SLC9A7: variants seen among roughly 807,000 people sequenced by gnomAD.
SLC9A7 encodes sodium/hydrogen exchanger 7.
SLC9A7 carries 19 observed loss-of-function variants against 52.6 expected under a neutral mutation model. The observed-to-expected ratio is 0.36, with a 90% CI of 0.25 to 0.53. The LOEUF (loss-of-function observed/expected upper bound fraction) is 0.53. Among genes scored for constraint, SLC9A7 ranks in the 20% least tolerant of loss-of-function variants. The pLI is 0.91. For synonymous variants in SLC9A7, 226 were observed against 252.1 expected (o/e 0.90, Z 0.98); for missense variants, 455 against 597.9 (o/e 0.76, Z 2.49).
chrX:46,646,708 G>C (rs1174247939), intron 11 of SLC9A7: 7 of 285,059 alleles, frequency 2.5e-5, no homozygotes. Context: ...CCAATTCATA[G>C]ACAACGAGAA....
rs1203843153 is a variant in SLC9A7 at position 46,695,221 on chromosome X, TA to T, written c.326-12687del. ...ATTATATGTCAATAAAGTTTTTTTT[TA>T]AAAAAAGAGCAAATGAGAAAATGAA... is the stretch of plus-strand genomic sequence containing the variant. On this transcript the variant is annotated intron_variant, in intron 1 of 16. Transcript: ENST00000616978. Among the ~76,000 whole-genome samples, 217 of 112,662 alleles carry T rather than the reference TA, an allele frequency of 1.9e-3. 1 individual carries two copies. Among genetic ancestry groups the T allele is most frequent in the African/African-American group, 6.7e-3 (209 of 31,073 alleles).
chrX:46,651,509 C>T, intron 8 of SLC9A7, 105 bp from the exon 9 acceptor site: 1 of 612,297 alleles, frequency 1.6e-6, no homozygotes, highest in South Asian at 2.6e-5. Flanking sequence ...CTAGCATATC[C>T]AACTTCCTGA....
intron 15 of SLC9A7, among the ~76,000 whole-genome samples, chrX:46,615,833 G>A (rs1205014658): frequency 9.1e-6 from 1 of 110,288 alleles, no homozygotes; most frequent in Non-Finnish European, 1.9e-5. Context: ...ATAAACTTTA[G>A]TCTGAGGCTT....
intron 10 of SLC9A7, 37 bp downstream of exon 10, chrX:46,651,073 T>C (rs1247927332): frequency 9.5e-6 from 9 of 948,584 alleles, no homozygotes; most frequent in Non-Finnish European, 1.4e-5. Context: ...AGTGGTCGTC[T>C]CTGCATGTAG....
chrX:46,608,389 C>T (rs921567419), intron 16 of SLC9A7, among the ~76,000 whole-genome samples: 1 of 112,731 alleles, frequency 8.9e-6, no homozygotes, highest in African/African-American at 3.2e-5. Flanking sequence ...CTTCCCTACA[C>T]ACAGTCTACA....
At chrX:46,692,709 A>G (rs1190402161) in intron 1 of SLC9A7, among the ~76,000 whole-genome samples, 1 of 111,446 alleles carries the variant, frequency 9.0e-6, no homozygotes, top group Non-Finnish European at 1.9e-5. Flanking sequence ...GAAGTTCCAT[A>G]TCTGATTTCA....
chrX:46,653,825 CT>C (rs370041978), intron 7 of SLC9A7, 111 bp from the exon 8 acceptor site: 53,572 of 338,642 alleles, frequency 0.16, 26 homozygotes, highest in East Asian at 0.2. Context: ...TCCCTTCAAC[CT>C]TTTTTTTTTT....
chrX:46,669,091 A>C (rs969146854), intron 5 of SLC9A7, among the ~76,000 whole-genome samples: 13 of 106,606 alleles, frequency 1.2e-4, no homozygotes, highest in Admixed American at 1.1e-3. Flanking sequence ...TGGCGTGAAC[A>C]TGGGAGGTAG....
chrX:46,662,855 T>A (rs901623358), intron 5 of SLC9A7, among the ~76,000 whole-genome samples: 1 of 111,926 alleles, frequency 8.9e-6, no homozygotes, highest in Non-Finnish European at 1.9e-5. Flanking sequence ...TTGAGTCTAA[T>A]GATATTGCAC....
intron 11 of SLC9A7, among the ~76,000 whole-genome samples, chrX:46,645,234 G>A (rs1223183780): frequency 1.8e-5 from 2 of 112,049 alleles, no homozygotes; most frequent in Non-Finnish European, 1.9e-5. Flanking sequence ...TAGATGACAG[G>A]GTTAGCTCCA....
At chrX:46,622,515 G>C (rs929829603) in intron 14 of SLC9A7, among the ~76,000 whole-genome samples, 2 of 111,761 alleles carry the variant, frequency 1.8e-5, no homozygotes, top group East Asian at 5.5e-4. Flanking sequence ...CCAGCACAAC[G>C]ATAAACATCA....
rs770439508 is a variant in SLC9A7 at position 46,607,159 on chromosome X, G to A, written c.1974C>T (p.Thr658=). 1.5e-5 allele frequency: 18 copies of A among 1,208,745 alleles called. No homozygotes were observed. The African/African-American group carries it at 1.8e-4, about 12-fold the overall frequency. Residue 658 remains threonine (T), a synonymous_variant, in exon 17 of 17, where the codon ACC becomes ACT. Transcript: ENST00000616978. ...CGTAGGTCAATGTCAGGTCGCCTTC[G>A]GTCAGGATGAAATCAGAGTCTTCCT... ...LREEDSDFIL[T]EGDLTLTYGD...
intron 11 of SLC9A7, among the ~76,000 whole-genome samples, chrX:46,648,284 G>A (rs186763027): frequency 3.1e-4 from 35 of 111,938 alleles, no homozygotes; most frequent in African/African-American, 9.4e-4. Flanking sequence ...AGGATACTGC[G>A]GCTGGGAGGT....
intron 11 of SLC9A7, among the ~76,000 whole-genome samples, chrX:46,645,737 C>T (rs752999895): frequency 7.5e-5 from 8 of 106,089 alleles, no homozygotes; most frequent in African/African-American, 2.4e-4. Context: ...GTAACTAAAA[C>T]GTGATTCAGA....
At chrX:46,681,814 C>T (rs1249560742) in intron 2 of SLC9A7, among the ~76,000 whole-genome samples, 1 of 112,353 alleles carries the variant, frequency 8.9e-6, no homozygotes, top group Non-Finnish European at 1.9e-5. Context: ...TCTAAGACAA[C>T]AAGATCTTCT....
intron 1 of SLC9A7, among the ~76,000 whole-genome samples, chrX:46,751,503 A>G (rs1333282675): frequency 2.7e-5 from 3 of 111,771 alleles, no homozygotes; most frequent in Non-Finnish European, 5.6e-5. Flanking sequence ...TCAAACAAAA[A>G]GTAAAATGAA....
chrX:46,742,339 A>G lies in SLC9A7; in HGVS notation c.325+16366T>C, dbSNP rs1264454918. Among the ~76,000 whole-genome samples, 3 of 111,521 alleles carry G rather than the reference A, an allele frequency of 2.7e-5. No homozygotes were observed. In the Admixed American group the frequency reaches 2.9e-4, roughly 11 times the overall value. On this transcript the variant is annotated intron_variant, in intron 1 of 16. Transcript: ENST00000616978. ...AGTAATGTTTATAGCAGCCCTATTC[A>G]TAATTATCAAAAACTCGAAACAAGC... is the stretch of plus-strand genomic sequence containing the variant.
intron 7 of SLC9A7, among the ~76,000 whole-genome samples, chrX:46,659,003 C>T (rs1278444999): frequency 9.0e-6 from 1 of 111,147 alleles, no homozygotes; most frequent in Non-Finnish European, 1.9e-5. Context: ...AATCCAGCAG[C>T]ACATCAAAAA....
intron 15 of SLC9A7, among the ~76,000 whole-genome samples, chrX:46,617,544 G>C (rs1942973538): frequency 8.9e-6 from 1 of 111,838 alleles, no homozygotes; most frequent in Non-Finnish European, 1.9e-5. Flanking sequence ...GTGGCTTGAA[G>C]AAAAAATTAG....
Sources: allele counts gnomAD v4.1 joint callset (sites outside exome capture counted in the v4.1 genomes callset), GRCh38; gene constraint gnomAD v4.1.1; transcripts MANE v1.5; gene names NCBI Gene and HGNC (gene_info 2026-07-23, HGNC 2026-07-21).